CTNNA1: variants seen among roughly 807,000 people sequenced by gnomAD.
The protein encoded by CTNNA1 is catenin alpha 1.
In CTNNA1, 37 loss-of-function variants were observed where a neutral mutation model predicts 98.4. That is an observed-to-expected ratio of 0.38 (90% CI 0.29 to 0.49). The LOEUF (loss-of-function observed/expected upper bound fraction) is 0.49, where lower values mean the gene tolerates loss of function less well. Ranked by LOEUF, CTNNA1 falls within the 20% of genes least tolerant of loss-of-function variation. The pLI, the probability that CTNNA1 is intolerant of heterozygous loss-of-function variation, is 0.95. For missense variants in CTNNA1, 761 were observed against 1,147.2 expected (o/e 0.66, Z 4.86); for synonymous variants, 404 against 413.2 (o/e 0.98, Z 0.27).
chr5:138,915,611 G>A lies in CTNNA1; in HGVS notation c.1390-2131G>A, dbSNP rs924873323. ...TAAAAACACAGAAACGTGTATGAGCGTTCATAGCAACATGATTCATAATAG... is the reference window on the plus strand; with the variant it reads ...TAAAAACACAGAAACGTGTATGAGCATTCATAGCAACATGATTCATAATAG... On this transcript the variant is annotated intron_variant, in intron 10 of 17. Coordinates refer to ENST00000302763, the MANE Select transcript of CTNNA1 (RefSeq NM_001903.5). Among the ~76,000 whole-genome samples the A allele has an allele frequency of 2.6e-5, 4 of 152,160 alleles. No homozygotes were observed. The East Asian group carries it at 5.8e-4, about 22-fold the overall frequency.
chr5:138,754,195 C>T (rs1010137606), intron 1 of CTNNA1: 2 of 150,542 alleles, frequency 1.3e-5, no homozygotes, highest in African/African-American at 2.4e-5. Flanking sequence ...ACGCACTTAG[C>T]TTTCAGCCCT....
chr5:138,795,761 T>TC (rs1561533948), intron 3 of CTNNA1, among the ~76,000 whole-genome samples: 1 of 152,176 alleles, frequency 6.6e-6, no homozygotes, highest in African/African-American at 2.4e-5. Flanking sequence ...CTTTTTTTTT[T>TC]CTTCCTCTAG....
intron 1 of CTNNA1, among the ~76,000 whole-genome samples, chr5:138,769,729 C>T (rs1370583424): frequency 6.6e-6 from 1 of 151,900 alleles, no homozygotes; most frequent in Non-Finnish European, 1.5e-5. Flanking sequence ...GACAGGGTTT[C>T]TCCCTGTTGA....
intron 7 of CTNNA1, among the ~76,000 whole-genome samples, chr5:138,854,237 T>C (rs1763514559): frequency 6.6e-6 from 1 of 152,216 alleles, no homozygotes; most frequent in African/African-American, 2.4e-5. Context: ...GCACTGAATG[T>C]GACTCTACAC....
At chr5:138,858,600 T>TTTTTCTTTC (rs1554090793) in intron 7 of CTNNA1, among the ~76,000 whole-genome samples, 93 of 26,580 alleles carry the variant, frequency 3.5e-3, no homozygotes, top group African/African-American at 0.025. Flanking sequence ...TTTTCTTTTT[T>TTTTTCTTTC]TTTTTTTTTT....
intron 7 of CTNNA1, among the ~76,000 whole-genome samples, chr5:138,834,644 T>G (rs1178412472): frequency 6.6e-6 from 1 of 152,206 alleles, no homozygotes; most frequent in African/African-American, 2.4e-5. Context: ...TGGCAGAGTT[T>G]TCCATTAAAA....
intron 7 of CTNNA1, among the ~76,000 whole-genome samples, chr5:138,862,098 A>T (rs1764338627): frequency 6.6e-6 from 1 of 152,248 alleles, no homozygotes; most frequent in South Asian, 2.1e-4. Context: ...TATGTCTTTC[A>T]TTGAGATAGG....
chr5:138,753,717 G>C (rs1198596322), intron 1 of CTNNA1: 1 of 324,168 alleles, frequency 3.1e-6, no homozygotes, highest in African/African-American at 2.2e-5. Context: ...CGCAGGGCCC[G>C]AGTATGGGGC....
intron 1 of CTNNA1, among the ~76,000 whole-genome samples, chr5:138,778,011 T>A (rs1314364753): frequency 1.6e-4 from 21 of 134,902 alleles, no homozygotes; most frequent in African/African-American, 5.2e-4. Context: ...TTTTTTTTTT[T>A]AAACAGAGTC....
At chr5:138,827,759 A>G (rs1225442328) in intron 7 of CTNNA1, 41 bp downstream of exon 7, 2 of 1,607,770 alleles carry the variant, frequency 1.2e-6, no homozygotes, top group Admixed American at 1.7e-5. Flanking sequence ...ATATTTATGG[A>G]TGAGGAGTTT....
In CTNNA1 at chr5:138,753,453, AAGC is replaced by A; in HGVS notation, c.-56_-54del. The A allele has an allele frequency of 2.7e-6, 1 of 373,994 alleles. No individual in the cohort carries two copies. The highest frequency in any genetic ancestry group is 3.8e-5 in the East Asian group (1 of 26,234). The allele number at this position is 373,994 out of a possible 1,614,324, so 23.2% of individuals were successfully genotyped here. A position where few individuals can be genotyped will look rare whatever the true frequency, so the allele number is the denominator to read the frequency against. On this transcript the variant is annotated 5_prime_UTR_variant, in exon 1 of 18. Coordinates refer to ENST00000302763, the MANE Select transcript of CTNNA1 (RefSeq NM_001903.5). ...CTCCTAGCCGGACTGGAGGGAGACA[AAGC>A]AGCGCCCGTCTGCTTCGGGCCTCTG...
chr5:138,863,670 T>G (rs1431708628), intron 7 of CTNNA1, among the ~76,000 whole-genome samples: 1 of 152,262 alleles, frequency 6.6e-6, no homozygotes, highest in Non-Finnish European at 1.5e-5. Context: ...TCTTGCCTGC[T>G]GCACAGAAAA....
At chr5:138,898,944 G>T (rs1206806641) in intron 9 of CTNNA1, among the ~76,000 whole-genome samples, 1 of 152,088 alleles carries the variant, frequency 6.6e-6, no homozygotes, top group Non-Finnish European at 1.5e-5. Context: ...TCTCTTTTCA[G>T]TAGAGTTTAA....
chr5:138,801,950 A>G (rs913165077), intron 3 of CTNNA1, among the ~76,000 whole-genome samples: 11 of 152,164 alleles, frequency 7.2e-5, no homozygotes, highest in Admixed American at 2.0e-4. Context: ...TAAATGAGGA[A>G]TGTGGTTGTG....
Position 138,810,990 on chromosome 5 carries a change from C to T in CTNNA1, c.468+786C>T, listed in dbSNP as rs1201119728. 6.6e-5 allele frequency among the ~76,000 whole-genome samples: 10 copies of T among 151,046 alleles called. No individual in the cohort carries two copies. In the East Asian group the frequency reaches 7.9e-4, roughly 12 times the overall value. On this transcript the variant is annotated intron_variant, in intron 4 of 17. Transcript: ENST00000302763. ...GGGGCTGACCCCCCCACCTCCCTCCCGGACGGGGCGGCTGGCCTGGCGGGG... is the reference window on the plus strand; with the variant it reads ...GGGGCTGACCCCCCCACCTCCCTCCTGGACGGGGCGGCTGGCCTGGCGGGG...
chr5:138,930,787 G>A, intron 15 of CTNNA1, 43 bp from the exon 16 acceptor site: 1 of 1,528,560 alleles, frequency 6.5e-7, no homozygotes, highest in Non-Finnish European at 9.1e-7. Flanking sequence ...CAACTGTGAG[G>A]GGCTTCACAT....
chr5:138,784,494 A>G (rs1025948870), intron 3 of CTNNA1, among the ~76,000 whole-genome samples: 4 of 152,190 alleles, frequency 2.6e-5, no homozygotes, highest in African/African-American at 9.7e-5. Context: ...ATAACCTTCA[A>G]TGGTAAATAT....
chr5:138,797,128 G>A (rs1757065505), intron 3 of CTNNA1, among the ~76,000 whole-genome samples: 1 of 152,110 alleles, frequency 6.6e-6, no homozygotes, highest in African/African-American at 2.4e-5. Context: ...GCATGAACTA[G>A]CAGCCATGGG....
intron 3 of CTNNA1, among the ~76,000 whole-genome samples, chr5:138,807,913 A>AT (rs1056933457): frequency 2.8e-4 from 42 of 151,424 alleles, no homozygotes; most frequent in African/African-American, 8.5e-4. Flanking sequence ...ACACCTGGCT[A>AT]TTTTTTTGTA....
Sources: gnomAD v4.1 joint callset for allele counts (sites outside exome capture counted in the v4.1 genomes callset) on GRCh38, gnomAD v4.1.1 for gene constraint, MANE v1.5 for transcripts, NCBI Gene and HGNC (gene_info 2026-07-23, HGNC 2026-07-21) for gene names.